Variants in NDST4 observed in about 807,000 individuals in gnomAD.
NDST4 encodes the protein N-heparan sulfate sulfotransferase 4.
In NDST4, 63 loss-of-function variants were observed where a neutral mutation model predicts 100.8. The observed-to-expected ratio is 0.62, with a 90% CI of 0.51 to 0.77. The LOEUF (loss-of-function observed/expected upper bound fraction) is 0.77, where lower values mean the gene tolerates loss of function less well. Among genes scored for constraint, NDST4 ranks in the 30% least tolerant of loss-of-function variants. The pLI is 0.00. For synonymous variants in NDST4, 377 were observed against 361.8 expected (o/e 1.04, Z -0.48); for missense variants, 943 against 1,018.4 (o/e 0.93, Z 1.01).
intron 13 of NDST4, 38 bp downstream of exon 13, chr4:114,829,752 T>C: frequency 1.3e-6 from 2 of 1,489,022 alleles, no homozygotes; most frequent in Non-Finnish European, 1.8e-6. Flanking sequence ...TTTGCAAATA[T>C]TTTTGCTAGA....
intron 6 of NDST4, among the ~76,000 whole-genome samples, chr4:114,877,086 A>ACG (rs1364886967): frequency 1.9e-3 from 294 of 151,684 alleles, no homozygotes; most frequent in Middle Eastern, 6.8e-3. Flanking sequence ...ACACACACAC[A>ACG]CGCGTGCACG....
chr4:114,827,765 T>A lies in NDST4; in HGVS notation c.*51A>T, dbSNP rs1363827519. The A allele has an allele frequency of 4.4e-6, 7 of 1,581,066 alleles. No individual in the cohort carries two copies. Among genetic ancestry groups the A allele is most frequent in the Non-Finnish European group, 6.0e-6 (7 of 1,168,104 alleles). ...GCTTGAGAATAAAGGTGGATTTATT[T>A]TTTTTTTAACACTAAAAGTATCTTG... On this transcript the variant is annotated 3_prime_UTR_variant, in exon 14 of 14. Coordinates refer to ENST00000264363, the MANE Select transcript of NDST4 (RefSeq NM_022569.3).
intron 2 of NDST4, among the ~76,000 whole-genome samples, chr4:115,037,173 C>T (rs186200429): frequency 1.3e-5 from 2 of 151,820 alleles, no homozygotes; most frequent in East Asian, 3.9e-4. Flanking sequence ...AATGATTCTT[C>T]CTGAAAGAAA....
intron 2 of NDST4, among the ~76,000 whole-genome samples, chr4:115,021,468 C>T (rs1016581834): frequency 9.3e-5 from 14 of 150,266 alleles, no homozygotes; most frequent in Non-Finnish European, 1.9e-4. Context: ...TATGTACACA[C>T]GTTCCACATA....
At chr4:114,961,501 A>G (rs967250791) in intron 4 of NDST4, among the ~76,000 whole-genome samples, 7 of 151,990 alleles carry the variant, frequency 4.6e-5, no homozygotes, top group African/African-American at 1.7e-4. Context: ...CAATAATGAA[A>G]CTGGAGACAA....
intron 4 of NDST4, among the ~76,000 whole-genome samples, chr4:114,938,399 G>A (rs1370758062): frequency 6.6e-6 from 1 of 152,194 alleles, no homozygotes; most frequent in African/African-American, 2.4e-5. Context: ...ATAAAAAATT[G>A]TCAAAGAATG....
chr4:115,029,593 T>A (rs186018083), intron 2 of NDST4, among the ~76,000 whole-genome samples: 4 of 152,170 alleles, frequency 2.6e-5, no homozygotes, highest in South Asian at 2.1e-4. Context: ...TAACTTTTTT[T>A]AGTTTATGAT....
chr4:114,827,959 T>C, intron 13 of NDST4, 24 bp from the exon 14 acceptor site: 5 of 1,576,044 alleles, frequency 3.2e-6, no homozygotes, highest in Non-Finnish European at 3.4e-6. Context: ...AAGAAGAACT[T>C]GAAAGAAGCT....
intron 6 of NDST4, among the ~76,000 whole-genome samples, chr4:114,891,556 C>T (rs949330386): frequency 3.9e-5 from 6 of 151,992 alleles, no homozygotes; most frequent in Non-Finnish European, 7.4e-5. Context: ...TTTTTCTTGC[C>T]GTAATTTCTT....
At chr4:115,039,914 C>T (rs1728314717) in intron 2 of NDST4, among the ~76,000 whole-genome samples, 1 of 152,020 alleles carries the variant, frequency 6.6e-6, no homozygotes, top group South Asian at 2.1e-4. Flanking sequence ...TCCATTATCT[C>T]ATGATAACCC....
At chr4:115,086,905 A>G (rs1329101671) in intron 1 of NDST4, among the ~76,000 whole-genome samples, 1 of 152,064 alleles carries the variant, frequency 6.6e-6, no homozygotes, top group African/African-American at 2.4e-5. Context: ...CTGCTTTGCC[A>G]TATAAGATTT....
chr4:114,857,688 T>G (rs1723826293), intron 7 of NDST4, among the ~76,000 whole-genome samples: 1 of 152,220 alleles, frequency 6.6e-6, no homozygotes, highest in African/African-American at 2.4e-5. Flanking sequence ...GTCAGAGTTG[T>G]GGGCAGTGTA....
At chr4:115,054,754 C>CA (rs1423828907) in intron 2 of NDST4, among the ~76,000 whole-genome samples, 2 of 152,102 alleles carry the variant, frequency 1.3e-5, no homozygotes, top group Non-Finnish European at 2.9e-5. Context: ...AATTACAGAT[C>CA]AAGAATTTCC....
At chr4:115,039,311 G>C (rs78928279) in intron 2 of NDST4, among the ~76,000 whole-genome samples, 14,391 of 152,192 alleles carry the variant, frequency 0.095, 2,093 homozygotes, top group African/African-American at 0.31. Context: ...GCTAGAGCTA[G>C]AAAGGTTTTT....
At chr4:115,020,824 C>T (rs542923828) in intron 2 of NDST4, among the ~76,000 whole-genome samples, 3 of 152,214 alleles carry the variant, frequency 2.0e-5, no homozygotes, top group South Asian at 2.1e-4. Flanking sequence ...CTCATCTCCA[C>T]TAATGATCAG....
intron 10 of NDST4, among the ~76,000 whole-genome samples, chr4:114,841,874 C>G (rs575247493): frequency 6.6e-6 from 1 of 152,096 alleles, no homozygotes; most frequent in Non-Finnish European, 1.5e-5. Context: ...TACTCGACCT[C>G]CAGTTTGCAA....
intron 2 of NDST4, among the ~76,000 whole-genome samples, chr4:115,024,278 A>T (rs865913926): frequency 6.6e-6 from 1 of 152,142 alleles, no homozygotes; most frequent in African/African-American, 2.4e-5. Context: ...TAGAGTTACC[A>T]TCATGCAGCT....
Position 115,113,431 on chromosome 4 carries a change from A to T in NDST4, c.-247+13T>A, listed in dbSNP as rs899539972. On this transcript the variant is annotated intron_variant, in intron 1 of 13. Coordinates refer to ENST00000264363, the MANE Select transcript of NDST4 (RefSeq NM_022569.3). The stretch of plus-strand genomic sequence containing the variant: ...TACACACCTCGATTTCAGCAAATTA[A>T]GCAGTAACTTACCTAGAGAAGCATT... 6 of 151,996 alleles carry T rather than the reference A, an allele frequency of 3.9e-5. No homozygotes were observed. Among genetic ancestry groups the T allele is most frequent in the Non-Finnish European group, 8.8e-5 (6 of 67,964 alleles). 9.4% of individuals were successfully genotyped at this position (151,996 alleles called of 1,614,324 possible). A position where few individuals can be genotyped will look rare whatever the true frequency, so the allele number is the denominator to read the frequency against.
At position 114,827,945 on chromosome 4, in the gene NDST4, A is replaced by T. The variant is rs1382916651; in HGVS notation, c.2500-10T>A. ...AGAGGAACGTTCTAGACTGGAAAGAAAAAAAGAAGAACTTGAAAGAAGCTC... is the reference window on the plus strand; with the variant it reads ...AGAGGAACGTTCTAGACTGGAAAGATAAAAAGAAGAACTTGAAAGAAGCTC... On this transcript the variant is annotated splice_polypyrimidine_tract_variant and intron_variant, in intron 13 of 13. Coordinates refer to ENST00000264363, the MANE Select transcript of NDST4 (RefSeq NM_022569.3). 3 of 1,579,818 alleles carry T rather than the reference A, an allele frequency of 1.9e-6. No homozygotes were observed. The Admixed American group carries it at 6.1e-5, about 32-fold the overall frequency.
Sources: gnomAD v4.1 joint callset for allele counts (sites outside exome capture counted in the v4.1 genomes callset) on GRCh38, gnomAD v4.1.1 for gene constraint, MANE v1.5 for transcripts, NCBI Gene and HGNC (gene_info 2026-07-23, HGNC 2026-07-21) for gene names.